The following MLIP variants were observed in gnomAD, a reference collection of about 807,000 sequenced individuals.
MLIP encodes muscular LMNA interacting protein, also known as muscular LMNA-interacting protein.
A neutral mutation model predicts 84.8 loss-of-function variants in MLIP; 79 were observed. That is an observed-to-expected ratio of 0.93 (90% CI 0.78 to 1.12). The LOEUF is 1.12. MLIP is among the 50% of genes most tolerant of loss of function. MLIP has a pLI of 0.00. For synonymous variants in MLIP, 504 were observed against 463.0 expected, an observed-to-expected ratio of 1.09 and a Z score of -1.14; for missense variants, 1,257 against 1,160.6, an observed-to-expected ratio of 1.08 and a Z score of -1.21.
At chr6:54,071,655 A>T (rs1014114631) in intron 1 of MLIP, among the ~76,000 whole-genome samples, 1 of 152,224 alleles carries the variant, frequency 6.6e-6, no homozygotes. Context: ...GATAGCAGAA[A>T]CATTAAGTAA....
chr6:54,263,597 T>C (rs1239582387), intron 13 of MLIP, among the ~76,000 whole-genome samples: 1 of 152,088 alleles, frequency 6.6e-6, no homozygotes, highest in Non-Finnish European at 1.5e-5. Flanking sequence ...ATATTTGATG[T>C]TGCATTTAAT....
intron 4 of MLIP, 52 bp downstream of exon 4, chr6:54,138,338 C>CT (rs371228039): frequency 1.7e-3 from 2,271 of 1,351,290 alleles, no homozygotes; most frequent in South Asian, 2.1e-3. Context: ...AGGGAAGAAT[C>CT]TTTTTTTTTT....
In MLIP at chr6:54,111,505, G is replaced by T; in HGVS notation, c.26G>T (p.Ser9Ile). MLSEQGLL[S>I]DCGNNYFQMT... ...ATGCTTTCAGAACAGGGGCTTCTGA[G>T]TGACTGCGGGAACAATTACTTCCAA... Residue 9 changes from serine to isoleucine, a missense_variant, in exon 1 of 14, where the codon AGT (serine) becomes ATT (isoleucine). Physicochemically the swap from Ser to Ile is moderately radical, Grantham distance 142. Coordinates refer to ENST00000502396, the MANE Select transcript of MLIP (RefSeq NM_001281747.2). 1.3e-6 allele frequency: 2 copies of T among 1,536,036 alleles called. No individual in the cohort carries two copies. The highest frequency in any genetic ancestry group is 2.4e-5 in the South Asian group (2 of 84,056).
intron 13 of MLIP, among the ~76,000 whole-genome samples, chr6:54,264,369 T>G (rs955376824): frequency 6.6e-6 from 1 of 152,060 alleles, no homozygotes; most frequent in Admixed American, 6.6e-5. Context: ...AGGTTTTAGT[T>G]TGACTAAGAC....
intron 11 of MLIP, among the ~76,000 whole-genome samples, chr6:54,205,747 G>A (rs1778990284): frequency 6.6e-6 from 1 of 152,112 alleles, no homozygotes; most frequent in Admixed American, 6.5e-5. Context: ...CATAGGCCAG[G>A]AAGCATCATT....
chr6:54,154,238 A>G (rs1773780395), intron 5 of MLIP, among the ~76,000 whole-genome samples: 1 of 152,150 alleles, frequency 6.6e-6, no homozygotes, highest in African/African-American at 2.4e-5. Flanking sequence ...ACAGGCTCTT[A>G]AGGCAAATTT....
At chr6:54,247,577 T>C (rs556858823) in intron 12 of MLIP, among the ~76,000 whole-genome samples, 12 of 152,032 alleles carry the variant, frequency 7.9e-5, no homozygotes, top group Non-Finnish European at 1.6e-4. Flanking sequence ...AAGGAGATGG[T>C]AAAAGGGTCA....
In MLIP at chr6:54,160,539, G is replaced by A. The variant is rs769035997; in HGVS notation, c.2379G>A (p.Arg793=). The change falls in exon 7 of 14, where the codon AGG becomes AGA. Residue 793 remains arginine (R), a synonymous_variant. Coordinates refer to ENST00000502396, the MANE Select transcript of MLIP (RefSeq NM_001281747.2). ...PVELYFPAQL[R]QQTEELCATI... is the part of the protein sequence containing the mutation. Reference sequence around the variant, plus strand: ...AGCTCTATTTTCCTGCACAGCTCAGGCAGCAAACTGAAGAGCTCTGTGCTA... The same window carrying A: ...AGCTCTATTTTCCTGCACAGCTCAGACAGCAAACTGAAGAGCTCTGTGCTA... The A allele has an allele frequency of 5.0e-6, 8 of 1,612,566 alleles. 1 individual carries two copies. Among genetic ancestry groups the A allele is most frequent in the South Asian group, 4.4e-5 (4 of 91,002 alleles).
chr6:54,241,089 A>T (rs1781705654), intron 12 of MLIP, among the ~76,000 whole-genome samples: 1 of 152,074 alleles, frequency 6.6e-6, no homozygotes, highest in Admixed American at 6.5e-5. Context: ...CATAGAAAAC[A>T]CTATGCTTCC....
At position 54,088,759 on chromosome 6, in the gene MLIP, G is replaced by A. The variant is rs78540783; in HGVS notation, c.64-32688G>A. 1.0e-3 allele frequency among the ~76,000 whole-genome samples: 156 copies of A among 152,158 alleles called. 1 individual carries two copies. Among genetic ancestry groups the A allele is most frequent in the African/African-American group, 3.7e-3 (154 of 41,506 alleles). On this transcript the variant is annotated intron_variant, in intron 1 of 12. Coordinates refer to the MLIP transcript ENST00000274897. ...GTATGGAGAAAAATTAGTAATCTGTGTTTTTATTTTCACCTTTTAAATTTC... is the reference window on the plus strand; with the variant it reads ...GTATGGAGAAAAATTAGTAATCTGTATTTTTATTTTCACCTTTTAAATTTC...
In MLIP at chr6:54,207,139, T is replaced by C. The variant is rs190322484; in HGVS notation, c.2718+4906T>C. On this transcript the variant is annotated intron_variant, in intron 11 of 13. Coordinates refer to ENST00000502396, the MANE Select transcript of MLIP (RefSeq NM_001281747.2). ...TTTGGCTTCTCTAAGTTTTGCCATGTTTTTTTTTTTTAATTTAAGGACTGA... is the reference window on the plus strand; with the variant it reads ...TTTGGCTTCTCTAAGTTTTGCCATGCTTTTTTTTTTTAATTTAAGGACTGA... 5.9e-4 allele frequency among the ~76,000 whole-genome samples: 84 copies of C among 142,448 alleles called. No individual in the cohort carries two copies. In the South Asian group the frequency reaches 7.3e-3, roughly 12 times the overall value. 93.5% of individuals were successfully genotyped at this position (142,448 alleles called of 152,430 possible).
intron 8 of MLIP, among the ~76,000 whole-genome samples, chr6:54,162,359 G>A (rs1774732403): frequency 6.6e-6 from 1 of 152,066 alleles, no homozygotes; most frequent in South Asian, 2.1e-4. Context: ...TGAGCTTACT[G>A]TCCACTGAGC....
chr6:54,087,169 G>A (rs558303200), intron 1 of MLIP, among the ~76,000 whole-genome samples: 1 of 152,250 alleles, frequency 6.6e-6, no homozygotes, highest in Non-Finnish European at 1.5e-5. Flanking sequence ...ATATATGGAA[G>A]TAGGGAATGG....
chr6:54,138,235 T>A lies in MLIP; in HGVS notation c.2166T>A (p.Ile722=). ...PISLTRTEEL[I]SPCALSMSTG... ...CTCTAACAAGGACAGAGGAGCTGAT[T>A]TCACCTTGTGCATTGTCCATGTCAA... The change falls in exon 4 of 14, where the codon ATT becomes ATA. Residue 722 remains isoleucine, a synonymous_variant. Coordinates refer to ENST00000502396, the MANE Select transcript of MLIP (RefSeq NM_001281747.2). 6.5e-7 allele frequency: 1 copy of A among 1,536,058 alleles called. No individual in the cohort carries two copies. Among genetic ancestry groups the A allele is most frequent in the Non-Finnish European group, 8.7e-7 (1 of 1,146,854 alleles).
chr6:54,073,752 C>T (rs1230470859), intron 1 of MLIP, among the ~76,000 whole-genome samples: 1 of 152,200 alleles, frequency 6.6e-6, no homozygotes, highest in Non-Finnish European at 1.5e-5. Flanking sequence ...GCTCACAAAT[C>T]TGAAACTACT....
intron 3 of MLIP, among the ~76,000 whole-genome samples, chr6:54,132,438 GT>G (rs1266754863): frequency 4.6e-5 from 7 of 152,136 alleles, no homozygotes; most frequent in Non-Finnish European, 8.8e-5. Flanking sequence ...CAAAGCGAAA[GT>G]TTTTTTCATT....
In MLIP at chr6:54,137,406, C is replaced by A; in HGVS notation, c.1337C>A (p.Ser446Tyr). ...ACCTTCTCTCTCAACTCCCCGGCCT[C>A]TTCCACGCTCACACTTGACCAAAAA... ...CPTFSLNSPA[S>Y]STLTLDQKEK... The change falls in exon 4 of 14, where the codon TCT becomes TAT. Residue 446 changes from serine (S) to tyrosine (Y), a missense_variant. Physicochemically the swap from Ser to Tyr is moderately radical, Grantham distance 144. Coordinates refer to ENST00000502396, the MANE Select transcript of MLIP (RefSeq NM_001281747.2). 1 of 1,536,148 alleles carries A rather than the reference C, an allele frequency of 6.5e-7. No individual in the cohort carries two copies. The highest frequency in any genetic ancestry group is 1.2e-5 in the South Asian group (1 of 84,056).
intron 1 of MLIP, among the ~76,000 whole-genome samples, chr6:54,089,419 C>A (rs1326264947): frequency 6.6e-6 from 1 of 152,062 alleles, no homozygotes; most frequent in African/African-American, 2.4e-5. Flanking sequence ...TCCCAGGATT[C>A]AAAGCTGTAC....
In MLIP at chr6:54,121,575, T is replaced by C. The variant is rs776055476; in HGVS notation, c.225T>C (p.Ser75=). 1 of 1,612,928 alleles carries C rather than the reference T, an allele frequency of 6.2e-7. No homozygotes were observed. The highest frequency in any genetic ancestry group is 8.5e-7 in the Non-Finnish European group (1 of 1,179,218). ...KFLVKIPEES[S]DKSPETVNRS... ...TTGTTAAAATTCCAGAAGAATCAAG[T>C]GATAAGAGTCCAGAAACTGTAAATA... is the stretch of plus-strand genomic sequence containing the variant. Residue 75 remains serine, a synonymous_variant, in exon 2 of 14, where the codon AGT becomes AGC. Transcript: ENST00000502396.
Sources: gnomAD v4.1 joint callset for allele counts (sites outside exome capture counted in the v4.1 genomes callset) on GRCh38, gnomAD v4.1.1 for gene constraint, MANE v1.5 for transcripts, NCBI Gene and HGNC (gene_info 2026-07-23, HGNC 2026-07-21) for gene names.